The following GPA33 variants were observed in gnomAD, a reference collection of about 807,000 sequenced individuals.
GPA33 encodes the protein glycoprotein A33, also known as cell surface A33 antigen.
Under a neutral mutation model 35.6 loss-of-function variants are expected in GPA33, and 27 were observed. That is an observed-to-expected ratio of 0.76 (90% CI 0.56 to 1.04). The LOEUF (loss-of-function observed/expected upper bound fraction) is 1.04. GPA33 is among the 50% of genes least tolerant of loss of function. GPA33 has a pLI of 0.00. For synonymous variants in GPA33, 176 were observed against 164.0 expected (o/e 1.07, Z -0.56); for missense variants, 428 against 411.9 (o/e 1.04, Z -0.34).
chr1:167,059,113 C>T (rs895864564), intron 4 of GPA33, among the ~76,000 whole-genome samples: 1 of 152,094 alleles, frequency 6.6e-6, no homozygotes, highest in Non-Finnish European at 1.5e-5. Context: ...GGGTGGGGAA[C>T]ATGGGGTTTC....
At chr1:167,081,640 CA>C (rs1455885502) in intron 1 of GPA33, among the ~76,000 whole-genome samples, 1 of 152,232 alleles carries the variant, frequency 6.6e-6, no homozygotes, top group Non-Finnish European at 1.5e-5. Flanking sequence ...GGTGTGTTCA[CA>C]CGCCATCTTG....
At chr1:167,057,343 T>TA (rs761461373) in intron 4 of GPA33, among the ~76,000 whole-genome samples, 92 of 152,204 alleles carry the variant, frequency 6.0e-4, no homozygotes, top group Middle Eastern at 6.8e-3. Flanking sequence ...GATGCTTTGT[T>TA]ATAACTGCTA....
rs759396228 is a variant in GPA33 at position 167,063,745 on chromosome 1, G to C, written c.416-8C>G. The C allele has an allele frequency of 1.9e-6, 3 of 1,610,196 alleles. No individual in the cohort carries two copies. Among genetic ancestry groups the C allele is most frequent in the South Asian group, 1.1e-5 (1 of 90,638 alleles). ...CTGGTTTGGAGGGTGGCACTATATA[G>C]AGGAGAGACCAAAGAGAAGGCATGA... On this transcript the variant is annotated splice_polypyrimidine_tract_variant and splice_region_variant and intron_variant, in intron 3 of 6. Transcript: ENST00000367868.
At chr1:167,070,435 G>A (rs1270504175) in intron 2 of GPA33, among the ~76,000 whole-genome samples, 1 of 152,156 alleles carries the variant, frequency 6.6e-6, no homozygotes, top group East Asian at 1.9e-4. Flanking sequence ...TTTTACAAAT[G>A]AGGAAGCCAA....
At chr1:167,056,560 GT>G in intron 4 of GPA33, among the ~76,000 whole-genome samples, 1 of 48,812 alleles carries the variant, frequency 2.0e-5, no homozygotes, top group Non-Finnish European at 4.9e-5. Context: ...TGTGTGTATG[GT>G]ATGTGGTGTG....
At chr1:167,071,884 A>G (rs1477890426) in intron 2 of GPA33, among the ~76,000 whole-genome samples, 1 of 152,194 alleles carries the variant, frequency 6.6e-6, no homozygotes, top group African/African-American at 2.4e-5. Context: ...ATCCTTCTGG[A>G]AGTAAGGGAC....
Position 167,055,718 on chromosome 1 carries a change from G to A in GPA33, c.691+12C>T. The A allele has an allele frequency of 6.2e-7, 1 of 1,613,690 alleles. No individual in the cohort carries two copies. Among genetic ancestry groups the A allele is most frequent in the Non-Finnish European group, 8.5e-7 (1 of 1,179,864 alleles). On this transcript the variant is annotated intron_variant, in intron 5 of 6. Coordinates refer to ENST00000367868, the MANE Select transcript of GPA33 (RefSeq NM_005814.3). ...GGCGTTTGTCAGCCCTCCCCCCGCA[G>A]GCTGCTCTTACGAGATCTGACGGCC... is the stretch of plus-strand genomic sequence containing the variant.
chr1:167,077,535 G>T (rs1452707701), intron 1 of GPA33, among the ~76,000 whole-genome samples: 1 of 152,066 alleles, frequency 6.6e-6, no homozygotes, highest in African/African-American at 2.4e-5. Context: ...CACATTAAGG[G>T]ACTTCTGCCA....
In GPA33 at chr1:167,063,516, C is replaced by T. The variant is rs1008054365; in HGVS notation, c.571+66G>A. ...GATCGGTCAACCCAAGTTGCAGCCC[C>T]TAGCCAATCAGCTGCATGTGTTGCA... On this transcript the variant is annotated intron_variant, in intron 4 of 6. Transcript: ENST00000367868. The T allele has an allele frequency of 4.6e-5, 67 of 1,458,498 alleles. 1 individual carries two copies. In the Middle Eastern group the frequency reaches 1.0e-3, roughly 22 times the overall value. 90.3% of individuals were successfully genotyped at this position (1,458,498 alleles called of 1,614,324 possible).
Position 167,073,442 on chromosome 1 carries a change from A to C in GPA33, c.141T>G (p.Thr47=), listed in dbSNP as rs753737846. ...TAAGTCCCTCTCGACTGGAGGTGGA[A>C]GTGTGGTAGGTGCAGGGCAGGGTGA... The part of the protein sequence containing the change: ...KSVTLPCTYH[T]STSSREGLIQ... Residue 47 remains threonine (T), a synonymous_variant, in exon 2 of 7, where the codon ACT becomes ACG. Coordinates refer to ENST00000367868, the MANE Select transcript of GPA33 (RefSeq NM_005814.3). The C allele has an allele frequency of 3.1e-6, 5 of 1,613,842 alleles. No homozygotes were observed. Among genetic ancestry groups the C allele is most frequent in the Non-Finnish European group, 3.4e-6 (4 of 1,179,714 alleles).
chr1:167,074,675 T>C (rs1165045114), intron 1 of GPA33, among the ~76,000 whole-genome samples: 7 of 151,426 alleles, frequency 4.6e-5, no homozygotes, highest in Admixed American at 4.6e-4. Context: ...TAAGCAAGGG[T>C]CAGGCAGGGA....
chr1:167,083,475 G>A (rs1666993320), intron 1 of GPA33, among the ~76,000 whole-genome samples: 1 of 152,196 alleles, frequency 6.6e-6, no homozygotes, highest in African/African-American at 2.4e-5. Flanking sequence ...ACGGCTGCTG[G>A]GTGCCTGTGT....
In GPA33 at chr1:167,053,020, A is replaced by C. The variant is rs1210021157; in HGVS notation, c.*1314T>G. On this transcript the variant is annotated 3_prime_UTR_variant, in exon 7 of 7. Coordinates refer to ENST00000367868, the MANE Select transcript of GPA33 (RefSeq NM_005814.3). ...AAACTGCAGTTGGGTGAGACCAGCC[A>C]CTGGTCCATGAGACCTAAGCAGCCC... 1 of 152,178 alleles carries C rather than the reference A, an allele frequency of 6.6e-6. No homozygotes were observed. Among genetic ancestry groups the C allele is most frequent in the Non-Finnish European group, 1.5e-5 (1 of 68,026 alleles). 9.4% of individuals were successfully genotyped at this position (152,178 alleles called of 1,614,324 possible). A position where few individuals can be genotyped will look rare whatever the true frequency, so the allele number is the denominator to read the frequency against.
chr1:167,053,376 AT>A lies in GPA33; in HGVS notation c.*957del, dbSNP rs1354425410. Reference sequence around the variant, plus strand: ...GGTGGGAATCATCCCTGTGTCTACGATCATCTCAAGGAGACCAGAGAAGGGA... The same window carrying A: ...GGTGGGAATCATCCCTGTGTCTACGACATCTCAAGGAGACCAGAGAAGGGA... On this transcript the variant is annotated 3_prime_UTR_variant, in exon 7 of 7. Transcript: ENST00000367868. The A allele has an allele frequency of 6.6e-5, 10 of 152,246 alleles. No homozygotes were observed. The highest frequency in any genetic ancestry group is 1.5e-4 in the Non-Finnish European group (10 of 68,054). The allele number at this position is 152,246 out of a possible 1,614,324, so 9.4% of individuals were successfully genotyped here.
chr1:167,087,873 A>G (rs543915588), intron 1 of GPA33, among the ~76,000 whole-genome samples: 57 of 144,730 alleles, frequency 3.9e-4, no homozygotes, highest in African/African-American at 1.4e-3. Flanking sequence ...CTGAGATCAC[A>G]CCACTGCACT....
chr1:167,059,205 G>T (rs1297711603), intron 4 of GPA33, among the ~76,000 whole-genome samples: 1 of 152,166 alleles, frequency 6.6e-6, no homozygotes, highest in East Asian at 1.9e-4. Context: ...ATGAACCAGT[G>T]CAGGTCTTGT....
chr1:167,059,156 G>A (rs764627619), intron 4 of GPA33, among the ~76,000 whole-genome samples: 1 of 152,094 alleles, frequency 6.6e-6, no homozygotes, highest in South Asian at 2.1e-4. Flanking sequence ...TCCTCCCCCA[G>A]TTCCCTGATG....
chr1:167,073,564 G>A (rs760440757), intron 1 of GPA33, 25 bp from the exon 2 acceptor site: 1 of 1,608,360 alleles, frequency 6.2e-7, no homozygotes, highest in Non-Finnish European at 8.5e-7. Flanking sequence ...GGCAGTGGAA[G>A]GGAAAAGTAA....
rs766747318 is a variant in GPA33 at position 167,069,139 on chromosome 1, C to G, written c.199-1G>C. On this transcript the variant is annotated splice_acceptor_variant, in intron 2 of 6. Coordinates refer to ENST00000367868, the MANE Select transcript of GPA33 (RefSeq NM_005814.3). LOFTEE classifies it high-confidence loss of function. ...AAAACGGCCAGATGACCACCCTTTC[C>G]TGGAGAGAGAAGAAATGGCACCAGG... The G allele has an allele frequency of 5.6e-6, 9 of 1,608,756 alleles. No homozygotes were observed. In the South Asian group the frequency reaches 9.9e-5, roughly 18 times the overall value.
Sources: allele counts gnomAD v4.1 joint callset (sites outside exome capture counted in the v4.1 genomes callset), GRCh38; gene constraint gnomAD v4.1.1; transcripts MANE v1.5; gene names NCBI Gene and HGNC (gene_info 2026-07-23, HGNC 2026-07-21).